Variants in ACO2 observed in about 807,000 individuals in gnomAD.
ACO2 encodes the protein aconitase 2, also known as aconitate hydratase, mitochondrial.
A neutral mutation model predicts 84.5 loss-of-function variants in ACO2; 31 were observed. The ratio of observed to expected loss-of-function variants is 0.37; its 90% CI spans 0.28 to 0.50. The LOEUF is 0.50. ACO2 is among the 20% of genes least tolerant of loss of function. The pLI, the probability that ACO2 is intolerant of heterozygous loss-of-function variation, is 0.97. For missense variants in ACO2, 685 were observed against 1,029.3 expected, an observed-to-expected ratio of 0.67 and a Z score of 4.58; for synonymous variants, 414 against 412.7, an observed-to-expected ratio of 1.00 and a Z score of -0.04.
At chr22:41,516,033 G>T in intron 6 of ACO2, 116 bp downstream of exon 6, 1 of 1,395,038 alleles carries the variant, frequency 7.2e-7, no homozygotes. Context: ...TTCCATTTGG[G>T]GACTTGGGAT....
chr22:41,495,572 G>A (rs1157732718), intron 1 of ACO2, among the ~76,000 whole-genome samples: 1 of 151,920 alleles, frequency 6.6e-6, no homozygotes, highest in Non-Finnish European at 1.5e-5. Context: ...AGATTACAAT[G>A]TATTGTCTTG....
At chr22:41,482,168 C>G (rs1412318694) in intron 1 of ACO2, among the ~76,000 whole-genome samples, 2 of 152,232 alleles carry the variant, frequency 1.3e-5, no homozygotes, top group Non-Finnish European at 1.5e-5. Context: ...TCAGCAGAGC[C>G]TCCCTTACTC....
intron 1 of ACO2, among the ~76,000 whole-genome samples, chr22:41,490,931 A>G (rs1555886855): frequency 1.3e-5 from 2 of 151,864 alleles, no homozygotes; most frequent in South Asian, 4.1e-4. Context: ...AACAGAGACA[A>G]TCTCTCCCTA....
At chr22:41,511,331 C>A (rs1031009304) in intron 3 of ACO2, among the ~76,000 whole-genome samples, 4 of 152,182 alleles carry the variant, frequency 2.6e-5, no homozygotes, top group Non-Finnish European at 5.9e-5. Flanking sequence ...ACTACCATGC[C>A]TGGCTAATTT....
At chr22:41,480,958 GAC>G (rs979781417) in intron 1 of ACO2, among the ~76,000 whole-genome samples, 1 of 152,098 alleles carries the variant, frequency 6.6e-6, no homozygotes, top group African/African-American at 2.4e-5. Context: ...TCAGACTATA[GAC>G]ACAGGCTAAT....
chr22:41,471,843 T>C (rs149694529), intron 1 of ACO2, among the ~76,000 whole-genome samples: 10 of 152,322 alleles, frequency 6.6e-5, no homozygotes, highest in East Asian at 1.9e-4. Flanking sequence ...CATAGTGTTA[T>C]GGTTGAGAGC....
intron 15 of ACO2, 138 bp from the exon 16 acceptor site, chr22:41,527,150 G>A: frequency 1.5e-6 from 2 of 1,315,274 alleles, no homozygotes; most frequent in Non-Finnish European, 2.1e-6. Context: ...CAGCAGGCGA[G>A]GAAGGGCCCC....
intron 2 of ACO2, among the ~76,000 whole-genome samples, chr22:41,501,200 C>T (rs964393432): frequency 2.0e-5 from 3 of 151,994 alleles, no homozygotes; most frequent in Admixed American, 6.6e-5. Flanking sequence ...GATGGGGTAT[C>T]GCCACATTGC....
chr22:41,494,063 C>G (rs1017758313), intron 1 of ACO2, among the ~76,000 whole-genome samples: 11 of 152,192 alleles, frequency 7.2e-5, no homozygotes, highest in Admixed American at 2.0e-4. Context: ...AGGAAGTCCT[C>G]TTGGACAGCA....
At chr22:41,501,640 A>G (rs2066354369) in intron 2 of ACO2, among the ~76,000 whole-genome samples, 1 of 152,194 alleles carries the variant, frequency 6.6e-6, no homozygotes. Flanking sequence ...GGGAGAGAAC[A>G]AATCTGAGTC....
rs778469721 is a variant in ACO2, at chr22:41,527,274, C to A, written c.1954-14C>A. On this transcript the variant is annotated splice_polypyrimidine_tract_variant and intron_variant, in intron 15 of 17. Coordinates refer to ENST00000216254, the MANE Select transcript of ACO2 (RefSeq NM_001098.3). ...CTCCTCTGCCTTATAACCTTACCCC[C>A]GCTTGCCTGACAGAAACATGGCATC... The A allele has an allele frequency of 1.3e-5, 21 of 1,614,130 alleles. No homozygotes were observed. The highest frequency in any genetic ancestry group is 1.2e-4 in the South Asian group (11 of 91,086).
intron 4 of ACO2, among the ~76,000 whole-genome samples, chr22:41,514,601 G>C (rs1433159675): frequency 6.6e-6 from 1 of 152,214 alleles, no homozygotes; most frequent in Non-Finnish European, 1.5e-5. Context: ...GTGCCTCAGA[G>C]GTGCCTGGTG....
Position 41,523,923 on chromosome 22 carries a change from C to G in ACO2, c.1464C>G (p.Ala488=). ...ACGACGCAAACCCCGAGACCCATGC[C>G]TTTGTCACGTCCCCAGAGGTGAGAC... ...GRNDANPETH[A]FVTSPEIVTA... is the part of the protein sequence containing the mutation. Residue 488 remains alanine (A), a synonymous_variant, in exon 12 of 18, where the codon GCC becomes GCG. Coordinates refer to ENST00000216254, the MANE Select transcript of ACO2 (RefSeq NM_001098.3). The G allele has an allele frequency of 6.2e-7, 1 of 1,613,168 alleles. No individual in the cohort carries two copies. The highest frequency in any genetic ancestry group is 8.5e-7 in the Non-Finnish European group (1 of 1,179,960).
At chr22:41,497,826 T>C (rs1601899247) in intron 1 of ACO2, among the ~76,000 whole-genome samples, 2 of 150,450 alleles carry the variant, frequency 1.3e-5, no homozygotes, top group East Asian at 3.9e-4. Context: ...GAGGTTGCAG[T>C]GAGCCAAGAT....
At chr22:41,492,715 G>A (rs1464940874) in intron 1 of ACO2, among the ~76,000 whole-genome samples, 1 of 152,134 alleles carries the variant, frequency 6.6e-6, no homozygotes, top group Non-Finnish European at 1.5e-5. Flanking sequence ...AGAGGTTACC[G>A]TGAGCCGAGA....
chr22:41,479,731 C>T (rs542233361), intron 1 of ACO2, among the ~76,000 whole-genome samples: 1 of 152,346 alleles, frequency 6.6e-6, no homozygotes, highest in Non-Finnish European at 1.5e-5. Context: ...TCAGCTCAGC[C>T]TCACAGGCTG....
At chr22:41,512,033 G>A in intron 4 of ACO2, 65 bp downstream of exon 4, 2 of 1,367,016 alleles carry the variant, frequency 1.5e-6, no homozygotes, top group Non-Finnish European at 9.9e-7. Context: ...CAGGCCTATG[G>A]GGGGAGGGGG....
chr22:41,524,008 A>C (rs1369902510), intron 12 of ACO2, 67 bp downstream of exon 12: 15 of 1,398,096 alleles, frequency 1.1e-5, no homozygotes, highest in African/African-American at 5.7e-5. Flanking sequence ...TCAGAGGAGG[A>C]GGCAGAAGGA....
intron 16 of ACO2, 163 bp downstream of exon 16, chr22:41,527,583 G>GAC: frequency 9.7e-7 from 1 of 1,026,236 alleles, no homozygotes; most frequent in Non-Finnish European, 1.4e-6. Context: ...GTGCACATCC[G>GAC]ACGCTCAGCT....
Sources: allele counts gnomAD v4.1 joint callset (sites outside exome capture counted in the v4.1 genomes callset), GRCh38; gene constraint gnomAD v4.1.1; transcripts MANE v1.5; gene names NCBI Gene and HGNC (gene_info 2026-07-23, HGNC 2026-07-21).